Variants in COBL observed in about 807,000 individuals in gnomAD.
The protein encoded by COBL is protein cordon-bleu.
In COBL, 51 loss-of-function variants were observed where a neutral mutation model predicts 98.8. The ratio of observed to expected loss-of-function variants is 0.52; its 90% CI spans 0.41 to 0.65. The LOEUF is 0.65. Among genes scored for constraint, COBL ranks in the 30% least tolerant of loss-of-function variants. The pLI, the probability that COBL is intolerant of heterozygous loss-of-function variation, is 0.00. For synonymous variants in COBL, 634 were observed against 651.7 expected, an observed-to-expected ratio of 0.97 and a Z score of 0.41; for missense variants, 1,617 against 1,617.5, an observed-to-expected ratio of 1.00 and a Z score of 0.01.
chr7:51,141,545 A>G (rs970247354), intron 5 of COBL, among the ~76,000 whole-genome samples: 7 of 152,218 alleles, frequency 4.6e-5, no homozygotes, highest in Non-Finnish European at 8.8e-5. Flanking sequence ...AGAATAAACT[A>G]GAAAGATGAA....
intron 7 of COBL, among the ~76,000 whole-genome samples, chr7:51,081,145 C>G (rs772716897): frequency 9.9e-5 from 15 of 152,136 alleles, no homozygotes; most frequent in Non-Finnish European, 1.5e-5. Context: ...AAGGGCAAGG[C>G]GCTTGCCTGG....
intron 2 of COBL, among the ~76,000 whole-genome samples, chr7:51,193,811 T>C (rs1354901144): frequency 2.6e-5 from 4 of 152,212 alleles, no homozygotes; most frequent in African/African-American, 7.2e-5. Flanking sequence ...AGAAAAATCA[T>C]AATTAATAGC....
intron 2 of COBL, among the ~76,000 whole-genome samples, chr7:51,198,356 G>A (rs1790790953): frequency 2.6e-5 from 4 of 152,076 alleles, no homozygotes; most frequent in African/African-American, 7.2e-5. Flanking sequence ...TGGCTTGCAG[G>A]GTTTCTGCTA....
At position 51,017,116 on chromosome 7, in the gene COBL, T is replaced by C; in HGVS notation, c.*435A>G. On this transcript the variant is annotated 3_prime_UTR_variant, in exon 13 of 13. Coordinates refer to ENST00000265136, the MANE Select transcript of COBL (RefSeq NM_015198.5). ...TTCAGATTGTTCCATCTGATTCATA[T>C]GTTTTTTCTAAAATTCAAAAGATCT... The C allele has an allele frequency of 2.3e-6, 1 of 426,230 alleles. No individual in the cohort carries two copies. The highest frequency in any genetic ancestry group is 3.4e-5 in the East Asian group (1 of 29,362). 26.4% of individuals were successfully genotyped at this position (426,230 alleles called of 1,614,324 possible). A position where few individuals can be genotyped will look rare whatever the true frequency, so the allele number is the denominator to read the frequency against.
intron 5 of COBL, among the ~76,000 whole-genome samples, chr7:51,147,854 T>C (rs373986602): frequency 6.6e-6 from 1 of 151,588 alleles, no homozygotes; most frequent in Non-Finnish European, 1.5e-5. Flanking sequence ...AGGTTCACAC[T>C]AGTCTCCTGC....
intron 1 of COBL, among the ~76,000 whole-genome samples, chr7:51,289,782 C>A (rs1021530076): frequency 6.6e-6 from 1 of 152,214 alleles, no homozygotes; most frequent in African/African-American, 2.4e-5. Context: ...TTTGAGGAAA[C>A]GCAACTTGTC....
At chr7:51,243,160 T>C (rs954927464) in intron 1 of COBL, among the ~76,000 whole-genome samples, 2 of 152,182 alleles carry the variant, frequency 1.3e-5, no homozygotes, top group African/African-American at 4.8e-5. Context: ...AGAGAACACG[T>C]TCAAGCCAAC....
chr7:51,049,208 T>C (rs1583610147), intron 7 of COBL, among the ~76,000 whole-genome samples: 1 of 152,234 alleles, frequency 6.6e-6, no homozygotes, highest in South Asian at 2.1e-4. Flanking sequence ...CACCAACTCA[T>C]TAATTTATCT....
At chr7:51,058,554 A>AAACAACAACAAC (rs57660073) in intron 7 of COBL, among the ~76,000 whole-genome samples, 6,230 of 150,132 alleles carry the variant, frequency 0.041, 168 homozygotes, top group Middle Eastern at 0.075. Context: ...CCATGTCTCA[A>AAACAACAACAAC]AACAACAACA....
chr7:51,131,528 T>C (rs1468283314), intron 6 of COBL, among the ~76,000 whole-genome samples: 1 of 151,708 alleles, frequency 6.6e-6, no homozygotes, highest in East Asian at 1.9e-4. Flanking sequence ...GAGTATTGTG[T>C]CAATCTTTAA....
rs968853295 is a variant in COBL, at chr7:51,157,981, C to T, written c.784-21650G>A. Among the ~76,000 whole-genome samples, 10 of 152,264 alleles carry T rather than the reference C, an allele frequency of 6.6e-5. No individual in the cohort carries two copies. In the South Asian group the frequency reaches 2.1e-3, roughly 32 times the overall value. ...CTCTGTGTTGTTAATGGACAGACAG[C>T]CTTTCACTATACTTCTTAAAATATA... On this transcript the variant is annotated intron_variant, in intron 5 of 12. Transcript: ENST00000265136.
chr7:51,018,722 G>T (rs771371388), intron 12 of COBL, among the ~76,000 whole-genome samples: 1 of 150,696 alleles, frequency 6.6e-6, no homozygotes, highest in African/African-American at 2.4e-5. Flanking sequence ...GAGAAATCCC[G>T]TCTCTACTAA....
At chr7:51,187,102 A>C (rs1314002764) in intron 4 of COBL, among the ~76,000 whole-genome samples, 1 of 152,154 alleles carries the variant, frequency 6.6e-6, no homozygotes, top group Non-Finnish European at 1.5e-5. Flanking sequence ...AATGATTTGA[A>C]AAATGTTAAA....
In COBL at chr7:51,229,875, G is replaced by A. The variant is rs543127541; in HGVS notation, c.42-9931C>T. 2.5e-3 allele frequency among the ~76,000 whole-genome samples: 385 copies of A among 152,222 alleles called. 1 individual carries two copies. Among genetic ancestry groups the A allele is most frequent in the Middle Eastern group, 6.8e-3 (2 of 294 alleles). On this transcript the variant is annotated intron_variant, in intron 1 of 12. Coordinates refer to ENST00000265136, the MANE Select transcript of COBL (RefSeq NM_015198.5). ...CAGATGGATACACCGTGAGCTTGAC[G>A]GGCTCCCAGCTCCTGTCCAAGCAAG...
At chr7:51,149,235 C>A (rs757079960) in intron 5 of COBL, among the ~76,000 whole-genome samples, 5 of 152,154 alleles carry the variant, frequency 3.3e-5, no homozygotes, top group Non-Finnish European at 7.3e-5. Context: ...CTGCAGACAC[C>A]CATTTTCTGA....
intron 12 of COBL, among the ~76,000 whole-genome samples, chr7:51,024,671 GAAT>G (rs1787331759): frequency 2.0e-5 from 3 of 151,690 alleles, no homozygotes; most frequent in African/African-American, 7.3e-5. Context: ...ATGAATGAAT[GAAT>G]GAATGAATGA....
intron 1 of COBL, among the ~76,000 whole-genome samples, chr7:51,309,397 G>T (rs139547179): frequency 1.3e-3 from 205 of 152,184 alleles, no homozygotes; most frequent in African/African-American, 4.3e-3. Flanking sequence ...TCCCGAGGTG[G>T]GCTTTTAGAT....
intron 5 of COBL, among the ~76,000 whole-genome samples, chr7:51,159,350 TGG>T (rs1329335210): frequency 6.6e-6 from 1 of 151,144 alleles, no homozygotes; most frequent in Non-Finnish European, 1.5e-5. Flanking sequence ...GCAGGTGGAG[TGG>T]GAGAGCAAAG....
chr7:51,026,901 A>G (rs1030604320), intron 10 of COBL, among the ~76,000 whole-genome samples: 3 of 151,610 alleles, frequency 2.0e-5, no homozygotes, highest in Admixed American at 6.6e-5. Flanking sequence ...CCGTCTCAGG[A>G]AAAAAAAAGA....
Sources: allele counts gnomAD v4.1 joint callset (sites outside exome capture counted in the v4.1 genomes callset), GRCh38; gene constraint gnomAD v4.1.1; transcripts MANE v1.5; gene names NCBI Gene and HGNC (gene_info 2026-07-23, HGNC 2026-07-21).